Variants in LRRK2 observed in about 807,000 individuals in gnomAD.
The protein encoded by LRRK2 is leucine-rich repeat serine/threonine-protein kinase 2.
In LRRK2, 203 loss-of-function variants were observed where a neutral mutation model predicts 302.6. That is an observed-to-expected ratio of 0.67 (90% confidence interval 0.60 to 0.75). The LOEUF (loss-of-function observed/expected upper bound fraction) is 0.75, where lower values mean the gene tolerates loss of function less well. LRRK2 is among the 30% of genes least tolerant of loss of function. The probability of loss-of-function intolerance (pLI) is 0.00; values close to 1 mark genes in which losing one functional copy is unlikely to be tolerated. For synonymous variants in LRRK2, 1,066 were observed against 1,031.9 expected (o/e 1.03, Z -0.63); for missense variants, 2,830 against 2,951.0 (o/e 0.96, Z 0.95).
Position 40,305,936 on chromosome 12 carries a change from A to C in LRRK2, c.3929A>C (p.His1310Pro). The change falls in exon 28 of 51, where the codon CAT becomes CCT. Residue 1310 changes from histidine to proline, a missense_variant. By Grantham distance (77) the His-to-Pro change is moderately conservative (BLOSUM62 -2). This residue lies in a region of LRRK2 where 2,121 missense variants were observed against 2,148.0 expected (regional missense o/e 0.99). Transcript: ENST00000298910. Reference sequence around the variant, plus strand: ...CTGCATCTTAACTTTGATTTTAAACATATAGGATGTAAAGCCAAAGACATC... The same window carrying C: ...CTGCATCTTAACTTTGATTTTAAACCTATAGGATGTAAAGCCAAAGACATC... Reference protein sequence around the residue: ...DELHLNFDFKHIGCKAKDIIR... With the variant: ...DELHLNFDFKPIGCKAKDIIR... 1 of 1,611,762 alleles carries C rather than the reference A, an allele frequency of 6.2e-7. No individual in the cohort carries two copies.
chr12:40,246,812 A>G (rs957994022), intron 7 of LRRK2, among the ~76,000 whole-genome samples: 2 of 152,142 alleles, frequency 1.3e-5, no homozygotes, highest in African/African-American at 4.8e-5. Context: ...GCCAGGATTC[A>G]TGCTTTCCCA....
intron 38 of LRRK2, among the ~76,000 whole-genome samples, chr12:40,324,278 C>G (rs1320189368): frequency 6.6e-6 from 1 of 151,928 alleles, no homozygotes; most frequent in Admixed American, 6.6e-5. Flanking sequence ...TTATGGTGTA[C>G]AACATGATGT....
chr12:40,250,946 G>T (rs1942238522), intron 8 of LRRK2, among the ~76,000 whole-genome samples: 1 of 149,704 alleles, frequency 6.7e-6, no homozygotes, highest in Admixed American at 6.7e-5. Flanking sequence ...CTTTGCTCTT[G>T]TGAATAGTGC....
intron 26 of LRRK2, among the ~76,000 whole-genome samples, chr12:40,303,140 A>G (rs918339653): frequency 6.6e-6 from 1 of 152,166 alleles, no homozygotes; most frequent in African/African-American, 2.4e-5. Context: ...GTATAATGAA[A>G]TGAGATTATA....
chr12:40,352,548 A>C (rs566517281), intron 44 of LRRK2, among the ~76,000 whole-genome samples: 117 of 149,278 alleles, frequency 7.8e-4, no homozygotes, highest in Non-Finnish European at 1.4e-3. Flanking sequence ...AATGGAGGGA[A>C]GGTCAGCAGA....
intron 14 of LRRK2, among the ~76,000 whole-genome samples, chr12:40,270,490 G>T (rs1412711570): frequency 1.3e-5 from 2 of 151,600 alleles, no homozygotes; most frequent in East Asian, 3.9e-4. Context: ...TGTTGTTTTT[G>T]CCTTTATATT....
intron 32 of LRRK2, 42 bp from the exon 33 acceptor site, chr12:40,315,170 T>G (rs780326237): frequency 6.7e-7 from 1 of 1,500,928 alleles, no homozygotes. Flanking sequence ...TGATATTTGT[T>G]CTAGATTCCA....
At chr12:40,330,421 C>A (rs1471448223) in intron 39 of LRRK2, among the ~76,000 whole-genome samples, 1 of 151,804 alleles carries the variant, frequency 6.6e-6, no homozygotes, top group Admixed American at 6.6e-5. Context: ...ATCTAGGATA[C>A]CTTTAATTTC....
chr12:40,314,095 T>C lies in LRRK2; in HGVS notation c.4660T>C (p.Leu1554=). 3 of 1,612,840 alleles carry C rather than the reference T, an allele frequency of 1.9e-6. No homozygotes were observed. Among genetic ancestry groups the C allele is most frequent in the Non-Finnish European group, 2.5e-6 (3 of 1,179,092 alleles). The change falls in exon 32 of 51, where the codon TTA becomes CTA. Residue 1554 remains leucine, a synonymous_variant. Transcript: ENST00000298910. ...TCCCGTAATTGACCGGAAACGATTA[T>C]TACAACTAGTGAGAGAAAATCAGCT... ...EFPVIDRKRL[L]QLVRENQLQL... is the part of the protein sequence containing the mutation.
At chr12:40,288,824 A>G (rs763879887) in intron 20 of LRRK2, among the ~76,000 whole-genome samples, 38 of 151,824 alleles carry the variant, frequency 2.5e-4, no homozygotes, top group Non-Finnish European at 1.5e-4. Context: ...TGTGACAGGT[A>G]TATGTATTGC....
Position 40,335,135 on chromosome 12 carries a change from C to T in LRRK2, c.5926C>T (p.Leu1976Phe). 1 of 1,613,974 alleles carries T rather than the reference C, an allele frequency of 6.2e-7. No individual in the cohort carries two copies. Among genetic ancestry groups the T allele is most frequent in the East Asian group, 2.2e-5 (1 of 44,894 alleles). ...TAGAACCCTACAGCACAGGATTGCA[C>T]TCCACGTAGCTGATGGTTTGAGGTA... ...LTRTLQHRIA[L>F]HVADGLRYLH... Residue 1976 changes from leucine (L) to phenylalanine (F), a missense_variant, in exon 40 of 51, where the codon CTC becomes TTC. By Grantham distance (22) the Leu-to-Phe change is conservative. Transcript: ENST00000298910.
chr12:40,272,180 T>G (rs1375848240), intron 14 of LRRK2, among the ~76,000 whole-genome samples: 1 of 152,170 alleles, frequency 6.6e-6, no homozygotes, highest in Non-Finnish European at 1.5e-5. Flanking sequence ...AAGCCCTGTG[T>G]GAAATACACA....
At chr12:40,230,545 C>G (rs1161302481) in intron 2 of LRRK2, among the ~76,000 whole-genome samples, 1 of 152,168 alleles carries the variant, frequency 6.6e-6, no homozygotes, top group Non-Finnish European at 1.5e-5. Context: ...TTATATTCTT[C>G]TCTGAGTAAT....
rs1300654952 is a variant in LRRK2, at chr12:40,243,544, AT to A, written c.707-4del. The A allele has an allele frequency of 1.9e-6, 3 of 1,610,802 alleles. No individual in the cohort carries two copies. Among genetic ancestry groups the A allele is most frequent in the Non-Finnish European group, 2.5e-6 (3 of 1,177,716 alleles). On this transcript the variant is annotated splice_polypyrimidine_tract_variant and splice_region_variant and intron_variant, in intron 6 of 50. Coordinates refer to ENST00000298910, the MANE Select transcript of LRRK2 (RefSeq NM_198578.4). ...TTATTGATAATTATGATCTCTTTAA[AT>A]TCAGGCAATAATGTGGAAGTCCTCA...
intron 13 of LRRK2, among the ~76,000 whole-genome samples, chr12:40,263,417 G>T (rs1225653802): frequency 6.6e-6 from 1 of 151,788 alleles, no homozygotes; most frequent in African/African-American, 2.4e-5. Context: ...TTATGTTGTG[G>T]TCCAAGTAAC....
intron 1 of LRRK2, 104 bp from the exon 2 acceptor site, chr12:40,225,451 A>C: frequency 2.4e-6 from 3 of 1,273,684 alleles, no homozygotes; most frequent in Non-Finnish European, 3.4e-6. Context: ...GAATTTCAGG[A>C]AGGTCTTCAC....
intron 38 of LRRK2, among the ~76,000 whole-genome samples, chr12:40,325,973 A>G (rs1450497906): frequency 2.6e-5 from 4 of 152,204 alleles, no homozygotes; most frequent in Admixed American, 2.6e-4. Context: ...GAGCCAAGAC[A>G]GGTATTTCCA....
intron 13 of LRRK2, among the ~76,000 whole-genome samples, chr12:40,260,577 A>G (rs184030321): frequency 5.9e-5 from 9 of 151,968 alleles, no homozygotes; most frequent in African/African-American, 1.5e-4. Context: ...AGTGCTAAAA[A>G]TTTTTTGCCT....
intron 20 of LRRK2, among the ~76,000 whole-genome samples, chr12:40,291,207 C>T (rs549831975): frequency 5.9e-5 from 9 of 151,314 alleles, no homozygotes; most frequent in Non-Finnish European, 1.0e-4. Context: ...CATGTTCTCA[C>T]TCATAGGTGG....
Sources: allele counts gnomAD v4.1 joint callset (sites outside exome capture counted in the v4.1 genomes callset), GRCh38; gene constraint gnomAD v4.1.1; regional missense constraint gnomAD v4.1.1; transcripts MANE v1.5; gene names NCBI Gene and HGNC (gene_info 2026-07-23, HGNC 2026-07-21).